Variants in PARD3B observed in about 807,000 individuals in gnomAD.
PARD3B encodes partitioning defective 3 homolog B.
A neutral mutation model predicts 130.2 loss-of-function variants in PARD3B; 103 were observed. The ratio of observed to expected loss-of-function variants is 0.79; its 90% CI spans 0.67 to 0.93. PARD3B has a LOEUF of 0.93. PARD3B is among the 40% of genes least tolerant of loss of function. The probability of loss-of-function intolerance (pLI) is 0.00; values close to 1 mark genes in which losing one functional copy is unlikely to be tolerated. For synonymous variants in PARD3B, 583 were observed against 553.2 expected (o/e 1.05, Z -0.76); for missense variants, 1,609 against 1,499.2 (o/e 1.07, Z -1.21).
chr2:204,899,234 TTCCCTCCCTCCCTCCC>T (rs1318127056), intron 2 of PARD3B, among the ~76,000 whole-genome samples: 1 of 98,748 alleles, frequency 1.0e-5, no homozygotes, highest in Admixed American at 1.3e-4. Context: ...CCTCCTCTCC[TTCCCTCCCTCCCTCCC>T]TCCCTCCCTT....
intron 2 of PARD3B, among the ~76,000 whole-genome samples, chr2:204,932,907 C>G (rs898816019): frequency 6.6e-6 from 1 of 152,178 alleles, no homozygotes; most frequent in Non-Finnish European, 1.5e-5. Flanking sequence ...GGTAATGCCA[C>G]TATCCCTTTG....
intron 2 of PARD3B, among the ~76,000 whole-genome samples, chr2:204,950,743 T>C (rs776129699): frequency 7.9e-5 from 12 of 152,220 alleles, no homozygotes; most frequent in Non-Finnish European, 1.6e-4. Flanking sequence ...AGTCAAGAAA[T>C]ATGAACTAGA....
At chr2:205,154,093 A>G (rs1001709240) in intron 10 of PARD3B, among the ~76,000 whole-genome samples, 3 of 152,188 alleles carry the variant, frequency 2.0e-5, no homozygotes, top group Non-Finnish European at 2.9e-5. Context: ...AGAAACTACC[A>G]TCAGAGTGAA....
At chr2:205,273,144 T>A (rs931728549) in intron 16 of PARD3B, among the ~76,000 whole-genome samples, 1 of 152,220 alleles carries the variant, frequency 6.6e-6, no homozygotes, top group African/African-American at 2.4e-5. Context: ...AACACATACA[T>A]TGCAGAAATT....
In PARD3B at chr2:204,759,869, T is replaced by C. The variant is rs183088116; in HGVS notation, c.222+73587T>C. 7.9e-5 allele frequency among the ~76,000 whole-genome samples: 12 copies of C among 152,244 alleles called. No homozygotes were observed. In the East Asian group the frequency reaches 1.9e-3, roughly 24 times the overall value. On this transcript the variant is annotated intron_variant, in intron 2 of 22. Transcript: ENST00000406610. ...TAGTTTAGGCCTTTACTATCTCTTG[T>C]CTGGTCTAATGTAATCTGTTTTTTG...
chr2:204,913,607 C>T (rs1017311915), intron 2 of PARD3B, among the ~76,000 whole-genome samples: 42 of 152,236 alleles, frequency 2.8e-4, no homozygotes, highest in Non-Finnish European at 5.9e-5. Flanking sequence ...GATGTCATAT[C>T]TTTGCAAAGC....
intron 18 of PARD3B, among the ~76,000 whole-genome samples, chr2:205,392,094 G>A (rs2045880332): frequency 6.6e-6 from 1 of 152,068 alleles, no homozygotes; most frequent in Admixed American, 6.6e-5. Context: ...TAACGTATCT[G>A]GTATTTCTAA....
chr2:205,303,707 A>G (rs1478023862), intron 18 of PARD3B, among the ~76,000 whole-genome samples: 3 of 152,158 alleles, frequency 2.0e-5, no homozygotes, highest in Non-Finnish European at 2.9e-5. Flanking sequence ...AGACTCTCCC[A>G]AGAATGCTGT....
Position 205,172,535 on chromosome 2 carries a change from A to G in PARD3B, c.1791+154A>G, listed in dbSNP as rs1015451854. 4.6e-5 allele frequency among the ~76,000 whole-genome samples: 7 copies of G among 152,242 alleles called. No individual in the cohort carries two copies. The East Asian group carries it at 1.2e-3, about 25-fold the overall frequency. ...CAGGTGGTTGTGTATTTTAGGTATA[A>G]TAGAAAGGTGTAAAAATGTGCATAT... On this transcript the variant is annotated intron_variant, in intron 12 of 22. Transcript: ENST00000406610.
chr2:205,001,410 AC>A (rs1169076210), intron 3 of PARD3B, among the ~76,000 whole-genome samples: 8 of 152,130 alleles, frequency 5.3e-5, no homozygotes, highest in African/African-American at 1.9e-4. Context: ...AATAGGCTGA[AC>A]CCCTGTATCT....
chr2:204,950,417 T>G (rs1689673969), intron 2 of PARD3B, among the ~76,000 whole-genome samples: 1 of 152,204 alleles, frequency 6.6e-6, no homozygotes, highest in African/African-American at 2.4e-5. Context: ...AGATTTGGAC[T>G]GAGTCAGTGT....
At chr2:204,593,924 T>C (rs2033177867) in intron 1 of PARD3B, among the ~76,000 whole-genome samples, 1 of 152,186 alleles carries the variant, frequency 6.6e-6, no homozygotes. Context: ...AAATGTACAC[T>C]AAGGAGTTCC....
At chr2:205,310,551 G>A (rs560339831) in intron 18 of PARD3B, among the ~76,000 whole-genome samples, 1 of 151,848 alleles carries the variant, frequency 6.6e-6, no homozygotes, top group South Asian at 2.1e-4. Context: ...CCATGAGTTC[G>A]ACTTTTATAC....
Position 204,677,951 on chromosome 2 carries a change from A to G in PARD3B, c.121-8230A>G, listed in dbSNP as rs2036629674. On this transcript the variant is annotated intron_variant, in intron 1 of 22. Transcript: ENST00000406610. The surrounding 1 kb of genome is among the most constrained non-coding windows in gnomAD (Gnocchi z 4.1). The stretch of plus-strand genomic sequence containing the variant: ...TCATTTGTTTAGCTGTAGAGATGGC[A>G]TGTGCAAAAGGAACAATTAGGTATT... 6.6e-6 allele frequency among the ~76,000 whole-genome samples: 1 copy of G among 152,212 alleles called. No homozygotes were observed.
At chr2:205,346,658 A>G (rs146366985) in intron 18 of PARD3B, among the ~76,000 whole-genome samples, 1 of 152,282 alleles carries the variant, frequency 6.6e-6, no homozygotes, top group East Asian at 1.9e-4. Flanking sequence ...CCTTTTTATA[A>G]GAAGCTTATA....
chr2:205,302,965 A>G (rs2042064762), intron 18 of PARD3B, among the ~76,000 whole-genome samples: 1 of 152,180 alleles, frequency 6.6e-6, no homozygotes, highest in Non-Finnish European at 1.5e-5. Context: ...TCAACATGGC[A>G]CAGTCAGAAA....
intron 21 of PARD3B, among the ~76,000 whole-genome samples, chr2:205,504,635 A>G (rs951498750): frequency 1.3e-5 from 2 of 152,266 alleles, no homozygotes; most frequent in Admixed American, 6.5e-5. Context: ...AGACACATGA[A>G]AAAATGGTCA....
At chr2:204,569,615 G>A (rs2031873990) in intron 1 of PARD3B, among the ~76,000 whole-genome samples, 1 of 152,128 alleles carries the variant, frequency 6.6e-6, no homozygotes, top group African/African-American at 2.4e-5. Context: ...GTAGATAGTT[G>A]TCTATTAAGC....
In PARD3B at chr2:205,158,898, T is replaced by C; in HGVS notation, c.1611T>C (p.Ala537=). 6.2e-7 allele frequency: 1 copy of C among 1,613,816 alleles called. No homozygotes were observed. Among genetic ancestry groups the C allele is most frequent in the Non-Finnish European group, 8.5e-7 (1 of 1,180,006 alleles). ...TCAAATCCATCATTCATGGAGGCGC[T>C]GCTTTTAAGGTGGGTAGGAATGACA... ...IFIKSIIHGG[A]AFKDGRLRMN... The change falls in exon 11 of 23, where the codon GCT becomes GCC. Residue 537 remains alanine (A), a synonymous_variant. Transcript: ENST00000406610. This position sits in a 1 kb window ranked among gnomAD's most constrained non-coding sequence, Gnocchi z 5.4.
Sources: allele counts gnomAD v4.1 joint callset (sites outside exome capture counted in the v4.1 genomes callset), GRCh38; gene constraint gnomAD v4.1.1; non-coding constraint Gnocchi (gnomAD v3.1); transcripts MANE v1.5; gene names NCBI Gene and HGNC (gene_info 2026-07-23, HGNC 2026-07-21).